CACNG7: variants seen among roughly 807,000 people sequenced by gnomAD.
CACNG7 encodes voltage-dependent calcium channel gamma-7 subunit.
A neutral mutation model predicts 26.3 loss-of-function variants in CACNG7; 9 were observed. The ratio of observed to expected loss-of-function variants is 0.34; its 90% CI spans 0.21 to 0.60. The LOEUF (loss-of-function observed/expected upper bound fraction) is 0.60, where lower values mean the gene tolerates loss of function less well. CACNG7 is among the 20% of genes least tolerant of loss of function. CACNG7 has a pLI of 0.81. For synonymous variants in CACNG7, 170 were observed against 157.0 expected, an observed-to-expected ratio of 1.08 and a Z score of -0.62; for missense variants, 297 against 380.4, an observed-to-expected ratio of 0.78 and a Z score of 1.82.
At chr19:53,922,038 GT>G (rs540679984) in intron 4 of CACNG7, among the ~76,000 whole-genome samples, 3 of 83,734 alleles carry the variant, frequency 3.6e-5, no homozygotes, top group Admixed American at 1.1e-4. Flanking sequence ...TGGTGGAGTT[GT>G]CCCCAGGCCT....
At chr19:53,933,049 G>A (rs546338229) in intron 4 of CACNG7, among the ~76,000 whole-genome samples, 193 of 151,272 alleles carry the variant, frequency 1.3e-3, no homozygotes, top group Non-Finnish European at 2.2e-3. Context: ...CAGGTGATCC[G>A]CCCGCATTGG....
rs922527865 is a variant in CACNG7 at position 53,940,666 on chromosome 19, A to G, written c.425-804A>G. Among the ~76,000 whole-genome samples, 2 of 152,134 alleles carry G rather than the reference A, an allele frequency of 1.3e-5. No individual in the cohort carries two copies. The highest frequency in any genetic ancestry group is 2.9e-5 in the Non-Finnish European group (2 of 68,026). On this transcript the variant is annotated intron_variant, in intron 4 of 5. Transcript: ENST00000391767. The surrounding 1 kb of genome is among the most constrained non-coding windows in gnomAD (Gnocchi z 4.1). ...ATTTCTTGTGGCTACAGCTTATGTT[A>G]CAGCTACATGGGTGGACCAGCTCTA... is the stretch of plus-strand genomic sequence containing the variant.
At chr19:53,938,032 G>A (rs2145919626) in intron 4 of CACNG7, among the ~76,000 whole-genome samples, 1 of 152,032 alleles carries the variant, frequency 6.6e-6, no homozygotes, top group East Asian at 2.0e-4. Flanking sequence ...AGCTTGAGGA[G>A]TTCAAGGAAG....
chr19:53,940,884 G>A lies in CACNG7; in HGVS notation c.425-586G>A, dbSNP rs940190266. 1.2e-4 allele frequency among the ~76,000 whole-genome samples: 18 copies of A among 151,664 alleles called. 1 individual carries two copies. Among genetic ancestry groups the A allele is most frequent in the Non-Finnish European group, 1.0e-4 (7 of 67,936 alleles). On this transcript the variant is annotated intron_variant, in intron 4 of 5. Coordinates refer to ENST00000391767, the MANE Select transcript of CACNG7 (RefSeq NM_031896.5). This position sits in a 1 kb window ranked among gnomAD's most constrained non-coding sequence, Gnocchi z 4.1. ...AGCCTGGCCAACATGGTGAAACCCC[G>A]TCTCTACTAAAAATATAAAAAAAAA...
chr19:53,941,395 G>A, intron 4 of CACNG7, 75 bp from the exon 5 acceptor site: 2 of 1,433,640 alleles, frequency 1.4e-6, no homozygotes, highest in East Asian at 2.6e-5. Flanking sequence ...AGGAGGGGAA[G>A]GCAGTGAGGT....
chr19:53,922,277 CAGTTGCCCCAGGTCTGGTATTGGTGG>C (rs1313200480), intron 4 of CACNG7, among the ~76,000 whole-genome samples: 1,775 of 56,044 alleles, frequency 0.032, 506 homozygotes, highest in African/African-American at 0.036. Context: ...GTCATTGGTG[CAGTTGCCCCAGGTCTGGTATTGGTGG>C]AGTTGTCCCC....
In CACNG7 at chr19:53,909,700, A is replaced by T. The variant is rs1337738085; in HGVS notation, c.-30+183A>T. On this transcript the variant is annotated intron_variant, in intron 1 of 5. Transcript: ENST00000391767. This position sits in a 1 kb window ranked among gnomAD's most constrained non-coding sequence, Gnocchi z 5.1. ...CACCTGGGCCTGGCGATCCCGGAGG[A>T]CGGGGTCCGAGGGTCCCGGAGTGGG... Among the ~76,000 whole-genome samples, 1 of 152,044 alleles carries T rather than the reference A, an allele frequency of 6.6e-6. No homozygotes were observed. Among genetic ancestry groups the T allele is most frequent in the Non-Finnish European group, 1.5e-5 (1 of 67,988 alleles).
intron 4 of CACNG7, among the ~76,000 whole-genome samples, chr19:53,921,067 C>G (rs868337936): frequency 4.3e-4 from 27 of 63,396 alleles, no homozygotes; most frequent in Admixed American, 6.4e-4. Context: ...CATTGGTGGA[C>G]TTGCCCCAGG....
intron 4 of CACNG7, among the ~76,000 whole-genome samples, chr19:53,919,027 C>A (rs1489291834): frequency 6.6e-6 from 1 of 152,228 alleles, no homozygotes; most frequent in Non-Finnish European, 1.5e-5. Context: ...GCCTCGGCCT[C>A]CCGAAGTGCT....
intron 4 of CACNG7, among the ~76,000 whole-genome samples, chr19:53,921,553 C>T (rs1158117143): frequency 4.5e-4 from 53 of 117,270 alleles, no homozygotes; most frequent in Middle Eastern, 7.7e-3. Flanking sequence ...GGTGGAGTTG[C>T]CCCAGGCTGG....
rs1367956110 is a variant in CACNG7 at position 53,909,732 on chromosome 19, C to T, written c.-30+215C>T. On this transcript the variant is annotated intron_variant, in intron 1 of 5. Transcript: ENST00000391767. The surrounding 1 kb of genome is among the most constrained non-coding windows in gnomAD (Gnocchi z 5.1). ...CCGAGGGTCCCGGAGTGGGAAACTG[C>T]ACTCCTCGCGTCCGAGTCGCAGCGA... Among the ~76,000 whole-genome samples the T allele has an allele frequency of 6.6e-6, 1 of 152,108 alleles. No individual in the cohort carries two copies. The highest frequency in any genetic ancestry group is 2.1e-4 in the South Asian group (1 of 4,826).
rs1269396431 is a variant in CACNG7, at chr19:53,931,502, C to T, written c.425-9968C>T. On this transcript the variant is annotated intron_variant, in intron 4 of 5. Coordinates refer to ENST00000391767, the MANE Select transcript of CACNG7 (RefSeq NM_031896.5). ...AGGTGTTTGAGACCAGCCTGACCAA[C>T]ATGGTGAAACCCCATCTCTATTAAA... is the stretch of plus-strand genomic sequence containing the variant. Among the ~76,000 whole-genome samples the T allele has an allele frequency of 2.6e-5, 4 of 151,746 alleles. No homozygotes were observed. The East Asian group carries it at 7.9e-4, about 30-fold the overall frequency.
At chr19:53,920,671 G>GT (rs576472010) in intron 4 of CACNG7, among the ~76,000 whole-genome samples, 2 of 108,672 alleles carry the variant, frequency 1.8e-5, no homozygotes, top group African/African-American at 5.0e-5. Flanking sequence ...TGGTGGAGTT[G>GT]CCCCAGGTCT....
chr19:53,909,832 C>G lies in CACNG7; in HGVS notation c.-30+315C>G, dbSNP rs1432459244. 2.6e-5 allele frequency among the ~76,000 whole-genome samples: 4 copies of G among 152,126 alleles called. No individual in the cohort carries two copies. The East Asian group carries it at 5.8e-4, about 22-fold the overall frequency. ...GGGGCGAGGGCGGAGGACCCAGGCC[C>G]GGCCAGAGCAGGATGTGGGTCTGGA... On this transcript the variant is annotated intron_variant, in intron 1 of 5. Coordinates refer to ENST00000391767, the MANE Select transcript of CACNG7 (RefSeq NM_031896.5). The surrounding 1 kb of genome is among the most constrained non-coding windows in gnomAD (Gnocchi z 5.1).
intron 4 of CACNG7, among the ~76,000 whole-genome samples, chr19:53,926,095 C>T (rs1054399564): frequency 6.6e-6 from 1 of 152,182 alleles, no homozygotes; most frequent in Non-Finnish European, 1.5e-5. Context: ...AATTAAATCT[C>T]ATGTGTAGCC....
chr19:53,915,849 A>C (rs959392325), intron 4 of CACNG7, among the ~76,000 whole-genome samples: 4 of 152,208 alleles, frequency 2.6e-5, no homozygotes, highest in African/African-American at 9.6e-5. Context: ...CCATACAACT[A>C]GTGAGAGGTA....
intron 5 of CACNG7, 82 bp from the exon 6 acceptor site, chr19:53,941,954 G>A (rs1436973732): frequency 2.1e-6 from 3 of 1,460,050 alleles, no homozygotes; most frequent in East Asian, 5.0e-5. Context: ...GGGACTCTGA[G>A]TCCTGGAGTG....
At chr19:53,927,838 CAAAAAAAAAAAAAA>C (rs74177830) in intron 4 of CACNG7, among the ~76,000 whole-genome samples, 3,382 of 110,588 alleles carry the variant, frequency 0.031, 131 homozygotes, top group African/African-American at 0.095. Context: ...AACTCCATCT[CAAAAAAAAAAAAAA>C]AGGAAAGAAA....
At chr19:53,916,921 C>T (rs371019830) in intron 4 of CACNG7, among the ~76,000 whole-genome samples, 22 of 152,196 alleles carry the variant, frequency 1.4e-4, no homozygotes, top group East Asian at 1.4e-3. Flanking sequence ...TCTCACCTTC[C>T]CGAATAGCTG....
Sources: allele counts gnomAD v4.1 joint callset (sites outside exome capture counted in the v4.1 genomes callset), GRCh38; gene constraint gnomAD v4.1.1; non-coding constraint Gnocchi (gnomAD v3.1); transcripts MANE v1.5; gene names NCBI Gene and HGNC (gene_info 2026-07-23, HGNC 2026-07-21).